Variants in ROR1 observed in about 807,000 individuals in gnomAD.
ROR1 encodes the protein inactive tyrosine-protein kinase transmembrane receptor ROR1.
In ROR1, 19 loss-of-function variants were observed where a neutral mutation model predicts 78.8. The ratio of observed to expected loss-of-function variants is 0.24; its 90% CI spans 0.17 to 0.35. ROR1 has a LOEUF of 0.35. Among genes scored for constraint, ROR1 ranks in the 10% least tolerant of loss-of-function variants. ROR1 has a pLI of 1.00. For missense variants in ROR1, 917 were observed against 1,177.8 expected, an observed-to-expected ratio of 0.78 and a Z score of 3.24; for synonymous variants, 386 against 433.6, an observed-to-expected ratio of 0.89 and a Z score of 1.36.
intron 1 of ROR1, among the ~76,000 whole-genome samples, chr1:63,896,725 T>C (rs532588554): frequency 2.8e-4 from 43 of 152,210 alleles, no homozygotes; most frequent in African/African-American, 9.9e-4. Flanking sequence ...ACTGAAAATG[T>C]AGACTCGTGT....
At chr1:63,982,778 A>G (rs887993170) in intron 1 of ROR1, among the ~76,000 whole-genome samples, 1 of 152,198 alleles carries the variant, frequency 6.6e-6, no homozygotes, top group African/African-American at 2.4e-5. Context: ...TAATAATAAC[A>G]GAAAATAATA....
intron 4 of ROR1, among the ~76,000 whole-genome samples, chr1:64,124,065 CTA>C (rs1416040934): frequency 6.6e-6 from 1 of 152,030 alleles, no homozygotes; most frequent in Non-Finnish European, 1.5e-5. Flanking sequence ...AAAGAAAAAA[CTA>C]TGTCTAGTAT....
chr1:63,989,963 C>T (rs1646282042), intron 1 of ROR1, among the ~76,000 whole-genome samples: 1 of 152,150 alleles, frequency 6.6e-6, no homozygotes, highest in Admixed American at 6.5e-5. Flanking sequence ...ATGTCTAAAG[C>T]ACTTGCTTTC....
chr1:63,786,256 A>ATTTTTTTTTTTT (rs34933492), intron 1 of ROR1, among the ~76,000 whole-genome samples: 4 of 67,512 alleles, frequency 5.9e-5, no homozygotes, highest in Admixed American at 2.4e-4. Context: ...CTACAACTTG[A>ATTTTTTTTTTTT]TTTTTTTTTT....
At chr1:63,921,957 G>A (rs535427446) in intron 1 of ROR1, among the ~76,000 whole-genome samples, 1 of 152,162 alleles carries the variant, frequency 6.6e-6, no homozygotes, top group African/African-American at 2.4e-5. Flanking sequence ...CAGGAAAGAG[G>A]GGGTATCTCA....
intron 1 of ROR1, chr1:63,775,189 G>C (rs982838069): frequency 5.3e-5 from 8 of 152,044 alleles, no homozygotes; most frequent in Non-Finnish European, 1.0e-4. Context: ...GCGCGCGCGC[G>C]TGTGTGTGTG....
intron 1 of ROR1, among the ~76,000 whole-genome samples, chr1:63,997,062 TG>T (rs5774674): frequency 0.66 from 100,235 of 152,074 alleles, 37,542 homozygotes; most frequent in East Asian, 0.94. Context: ...TACTGTAAGG[TG>T]CTTGGAATCT....
At chr1:64,052,739 G>A (rs1338088109) in intron 4 of ROR1, among the ~76,000 whole-genome samples, 1 of 152,148 alleles carries the variant, frequency 6.6e-6, no homozygotes, top group Non-Finnish European at 1.5e-5. Context: ...TACCATGTTT[G>A]CTTGCAGGGA....
intron 1 of ROR1, chr1:63,788,646 G>C (rs955002493): frequency 5.5e-6 from 1 of 180,514 alleles, no homozygotes; most frequent in Non-Finnish European, 1.2e-5. Context: ...ATATTTTAAG[G>C]CTTGTTTTAT....
intron 1 of ROR1, among the ~76,000 whole-genome samples, chr1:64,008,385 T>C (rs184978969): frequency 1.4e-4 from 22 of 152,346 alleles, no homozygotes; most frequent in Admixed American, 1.4e-3. Context: ...CTAGGTTGAT[T>C]CCATGTCTTC....
intron 2 of ROR1, among the ~76,000 whole-genome samples, chr1:64,017,677 G>A (rs983792020): frequency 6.6e-6 from 1 of 152,124 alleles, no homozygotes; most frequent in Non-Finnish European, 1.5e-5. Flanking sequence ...TGTGCTGTTA[G>A]GGGGGCATTC....
intron 1 of ROR1, among the ~76,000 whole-genome samples, chr1:64,007,883 G>C (rs778681409): frequency 6.6e-6 from 1 of 151,468 alleles, no homozygotes; most frequent in Non-Finnish European, 1.5e-5. Context: ...GTTTGATTAT[G>C]TGTGGTCATT....
At chr1:63,873,699 T>G (rs1189390840) in intron 1 of ROR1, among the ~76,000 whole-genome samples, 1 of 152,156 alleles carries the variant, frequency 6.6e-6, no homozygotes. Flanking sequence ...ATTTTTATTA[T>G]GTTTTTTTTC....
chr1:64,008,438 C>G (rs1646447700), intron 1 of ROR1, among the ~76,000 whole-genome samples: 1 of 152,060 alleles, frequency 6.6e-6, no homozygotes, highest in Non-Finnish European at 1.5e-5. Flanking sequence ...ATGCAGGTGT[C>G]TTTTTGGTAG....
chr1:64,069,126 C>T (rs6686768), intron 4 of ROR1, among the ~76,000 whole-genome samples: 15,331 of 151,688 alleles, frequency 0.1, 891 homozygotes, highest in African/African-American at 0.14. Flanking sequence ...ATTCTAATTT[C>T]AGGTGACCAA....
At chr1:64,021,052 C>T (rs1404354195) in intron 2 of ROR1, among the ~76,000 whole-genome samples, 2 of 151,410 alleles carry the variant, frequency 1.3e-5, no homozygotes, top group African/African-American at 2.4e-5. Flanking sequence ...ATGCCCCAAG[C>T]CTTAGTTGAT....
At position 63,898,144 on chromosome 1, in the gene ROR1, A is replaced by C. The variant is rs116278048; in HGVS notation, c.92-111161A>C. On this transcript the variant is annotated intron_variant, in intron 1 of 8. Transcript: ENST00000371079. Reference sequence around the variant, plus strand: ...ATTGAAAGGAGTGCACAAATCTTTGAACAGCTGGCCATCTCTGCCTTATGG... The same window carrying C: ...ATTGAAAGGAGTGCACAAATCTTTGCACAGCTGGCCATCTCTGCCTTATGG... Among the ~76,000 whole-genome samples, 925 of 152,300 alleles carry C rather than the reference A, an allele frequency of 6.1e-3. 13 individuals are homozygous for C. Among genetic ancestry groups the C allele is most frequent in the African/African-American group, 0.021 (889 of 41,572 alleles).
rs2100621530 is a variant in ROR1, at chr1:64,074,041, A to G, written c.482+23325A>G. ...TTAAAGTGCTGAGGAATTTAATTCA[A>G]TAAGGTCAGGGACATCTGCTGTGCT... On this transcript the variant is annotated intron_variant, in intron 4 of 8. Coordinates refer to ENST00000371079, the MANE Select transcript of ROR1 (RefSeq NM_005012.4). 1.3e-5 allele frequency among the ~76,000 whole-genome samples: 2 copies of G among 152,334 alleles called. 1 individual carries two copies. The highest frequency in any genetic ancestry group is 1.3e-4 in the Admixed American group (2 of 15,302).
intron 2 of ROR1, among the ~76,000 whole-genome samples, chr1:64,046,733 A>G (rs1036367793): frequency 1.3e-5 from 2 of 152,174 alleles, no homozygotes; most frequent in East Asian, 1.9e-4. Flanking sequence ...CATGGTACCA[A>G]ATCTCAGCCC....
Sources: allele counts gnomAD v4.1 joint callset (sites outside exome capture counted in the v4.1 genomes callset), GRCh38; gene constraint gnomAD v4.1.1; transcripts MANE v1.5; gene names NCBI Gene and HGNC (gene_info 2026-07-23, HGNC 2026-07-21).